Variants in PPFIA2 observed in about 807,000 individuals in gnomAD.
The protein encoded by PPFIA2 is liprin-alpha-2.
Under a neutral mutation model 175.5 loss-of-function variants are expected in PPFIA2, and 46 were observed. The observed-to-expected ratio is 0.26, with a 90% CI of 0.21 to 0.34. PPFIA2 has a LOEUF of 0.34. PPFIA2 is among the 10% of genes least tolerant of loss of function. PPFIA2 has a pLI of 1.00. For synonymous variants in PPFIA2, 568 were observed against 511.4 expected (o/e 1.11, Z -1.49); for missense variants, 1,179 against 1,506.1 (o/e 0.78, Z 3.60).
At chr12:81,754,808 T>G (rs745394220) in intron 2 of PPFIA2, among the ~76,000 whole-genome samples, 1 of 152,208 alleles carries the variant, frequency 6.6e-6, no homozygotes, top group Non-Finnish European at 1.5e-5. Flanking sequence ...GTCAACCGAT[T>G]TTTTTCAAAC....
At chr12:81,324,387 T>C (rs571724771) in intron 22 of PPFIA2, among the ~76,000 whole-genome samples, 2 of 152,044 alleles carry the variant, frequency 1.3e-5, no homozygotes, top group Non-Finnish European at 2.9e-5. Context: ...ATCAGACTTA[T>C]ATGCAATTGT....
chr12:81,442,999 A>T (rs1410379622), intron 6 of PPFIA2, among the ~76,000 whole-genome samples: 1 of 149,066 alleles, frequency 6.7e-6, no homozygotes, highest in Non-Finnish European at 1.5e-5. Context: ...ACTTAGACAC[A>T]TATGAGTCCC....
intron 28 of PPFIA2, among the ~76,000 whole-genome samples, chr12:81,275,879 G>T (rs1279393646): frequency 6.6e-6 from 1 of 151,316 alleles, no homozygotes; most frequent in Admixed American, 6.6e-5. Flanking sequence ...CTGCCTCCAG[G>T]GTTCACGCCA....
At chr12:81,684,374 AAAG>A (rs1475714314) in intron 3 of PPFIA2, among the ~76,000 whole-genome samples, 2 of 152,062 alleles carry the variant, frequency 1.3e-5, no homozygotes, top group African/African-American at 4.8e-5. Context: ...CCTTAAACCT[AAAG>A]AAGGTGCAAG....
At chr12:81,288,800 C>A (rs2044127472) in intron 24 of PPFIA2, among the ~76,000 whole-genome samples, 1 of 151,626 alleles carries the variant, frequency 6.6e-6, no homozygotes, top group Admixed American at 6.6e-5. Flanking sequence ...AAGATAAATC[C>A]TTCTCATTAT....
At chr12:81,576,619 AATATCAC>A (rs1472227419) in intron 4 of PPFIA2, among the ~76,000 whole-genome samples, 3 of 151,836 alleles carry the variant, frequency 2.0e-5, no homozygotes, top group Non-Finnish European at 4.4e-5. Flanking sequence ...GATAGCATCT[AATATCAC>A]AAACCCAAAA....
intron 4 of PPFIA2, among the ~76,000 whole-genome samples, chr12:81,539,905 T>C (rs2065949571): frequency 6.6e-6 from 1 of 152,044 alleles, no homozygotes; most frequent in Admixed American, 6.6e-5. Context: ...TTCCCTCAAT[T>C]TGATTTCACT....
At chr12:81,428,732 C>T (rs1052367063) in intron 7 of PPFIA2, among the ~76,000 whole-genome samples, 4 of 151,978 alleles carry the variant, frequency 2.6e-5, no homozygotes, top group African/African-American at 9.7e-5. Flanking sequence ...CATTATTCAA[C>T]TTTTCTAGGA....
At chr12:81,516,516 T>C (rs573543208) in intron 4 of PPFIA2, among the ~76,000 whole-genome samples, 1 of 152,264 alleles carries the variant, frequency 6.6e-6, no homozygotes, top group Non-Finnish European at 1.5e-5. Flanking sequence ...ATAAGTGATT[T>C]GGTTGGGTCC....
At chr12:81,297,940 A>T (rs761742734) in intron 23 of PPFIA2, 2 of 152,218 alleles carry the variant, frequency 1.3e-5, no homozygotes, top group Non-Finnish European at 2.9e-5. Flanking sequence ...TTTAAGTTGC[A>T]TTAGGAATCA....
intron 8 of PPFIA2, among the ~76,000 whole-genome samples, chr12:81,401,350 G>T (rs1374309864): frequency 6.6e-6 from 1 of 152,110 alleles, no homozygotes; most frequent in African/African-American, 2.4e-5. Flanking sequence ...TTATAACTCT[G>T]TAAGTTGGCA....
At chr12:81,757,765 C>T (rs185914984) in intron 2 of PPFIA2, among the ~76,000 whole-genome samples, 1 of 152,252 alleles carries the variant, frequency 6.6e-6, no homozygotes, top group East Asian at 1.9e-4. Flanking sequence ...TATGAGAGTG[C>T]TACAAAAAGC....
intron 3 of PPFIA2, among the ~76,000 whole-genome samples, chr12:81,750,672 T>C (rs1021680616): frequency 1.3e-5 from 2 of 152,210 alleles, no homozygotes; most frequent in Middle Eastern, 6.8e-3. Context: ...AAAGACATAA[T>C]GAAAAACTAA....
intron 20 of PPFIA2, 112 bp from the exon 21 acceptor site, chr12:81,339,446 T>C: frequency 3.5e-6 from 3 of 857,086 alleles, no homozygotes; most frequent in African/African-American, 1.8e-5. Context: ...TGTTGTTTTT[T>C]CCCCTATTTT....
chr12:81,662,889 T>A (rs1353505341), intron 4 of PPFIA2, among the ~76,000 whole-genome samples: 1 of 152,234 alleles, frequency 6.6e-6, no homozygotes, highest in Non-Finnish European at 1.5e-5. Context: ...GATGCAAGGC[T>A]GGTTCAACAT....
Position 81,325,832 on chromosome 12 carries a change from G to A in PPFIA2, c.2587C>T (p.Leu863=). Residue 863 remains leucine, a synonymous_variant, in exon 22 of 33, where the codon CTG becomes TTG. Coordinates refer to ENST00000549396, the MANE Select transcript of PPFIA2 (RefSeq NM_003625.5). ...TGAGTTCCGAGTTTGCCTAACCCCAGGGACTCCTGAGCTGCAGCTTCAGTC... is the reference window on the plus strand; with the variant it reads ...TGAGTTCCGAGTTTGCCTAACCCCAAGGACTCCTGAGCTGCAGCTTCAGTC... ...METEAAAQES[L]GLGKLGTQAE... 6.2e-7 allele frequency: 1 copy of A among 1,612,720 alleles called. No homozygotes were observed. Among genetic ancestry groups the A allele is most frequent in the Non-Finnish European group, 8.5e-7 (1 of 1,179,068 alleles).
At chr12:81,547,525 G>A (rs542075793) in intron 4 of PPFIA2, among the ~76,000 whole-genome samples, 9 of 152,162 alleles carry the variant, frequency 5.9e-5, no homozygotes, top group East Asian at 1.9e-4. Context: ...ACAGGCATGC[G>A]CCACTACACC....
At chr12:81,384,597 T>G (rs1157364103) in intron 8 of PPFIA2, among the ~76,000 whole-genome samples, 2 of 151,956 alleles carry the variant, frequency 1.3e-5, no homozygotes, top group Non-Finnish European at 2.9e-5. Flanking sequence ...TACAATGCTA[T>G]GATATAACAC....
At chr12:81,381,929 A>G (rs559477514) in intron 9 of PPFIA2, among the ~76,000 whole-genome samples, 85 of 152,180 alleles carry the variant, frequency 5.6e-4, no homozygotes, top group African/African-American at 2.0e-3. Context: ...CTATTATACA[A>G]TCAATAGCTG....
Sources: gnomAD v4.1 joint callset for allele counts (sites outside exome capture counted in the v4.1 genomes callset) on GRCh38, gnomAD v4.1.1 for gene constraint, MANE v1.5 for transcripts, NCBI Gene and HGNC (gene_info 2026-07-23, HGNC 2026-07-21) for gene names.